The following BRIP1 variants were observed in gnomAD, a reference collection of about 807,000 sequenced individuals.
The protein encoded by BRIP1 is Fanconi anemia group J protein.
Under a neutral mutation model 119.7 loss-of-function variants are expected in BRIP1, and 88 were observed. The ratio of observed to expected loss-of-function variants is 0.74; its 90% CI spans 0.62 to 0.88. The LOEUF (loss-of-function observed/expected upper bound fraction) is 0.88. BRIP1 is among the 40% of genes least tolerant of loss of function. BRIP1 has a pLI of 0.00. For synonymous variants in BRIP1, 443 were observed against 496.5 expected (o/e 0.89, Z 1.43); for missense variants, 1,259 against 1,455.4 (o/e 0.87, Z 2.20).
Position 61,846,246 on chromosome 17 carries a change from A to AAGAGAGAGAGAAAG in BRIP1, c.627+854_627+855insCTTTCTCTCTCTCT. On this transcript the variant is annotated intron_variant, in intron 6 of 19. Coordinates refer to ENST00000259008, the MANE Select transcript of BRIP1 (RefSeq NM_032043.3). This position sits in a 1 kb window ranked among gnomAD's most constrained non-coding sequence, Gnocchi z 4.3. ...ACATATAGAGAGAGAGAGAGAGAAA[A>AAGAGAGAGAGAAAG]AGAGAGAGAGAGAGAAAGAGAGAGA... Among the ~76,000 whole-genome samples, 1 of 124,852 alleles carries AAGAGAGAGAGAAAG rather than the reference A, an allele frequency of 8.0e-6. No homozygotes were observed. Among genetic ancestry groups the AAGAGAGAGAGAAAG allele is most frequent in the Middle Eastern group, 3.6e-3 (1 of 274 alleles). 81.9% of individuals were successfully genotyped at this position (124,852 alleles called of 152,430 possible).
Position 61,808,490 on chromosome 17 carries a change from T to C in BRIP1, c.895A>G (p.Met299Val), listed in dbSNP as rs1242769076. 8 of 1,613,780 alleles carry C rather than the reference T, an allele frequency of 5.0e-6. No individual in the cohort carries two copies. The highest frequency in any genetic ancestry group is 1.6e-4 in the Middle Eastern group (1 of 6,062). The stretch of plus-strand genomic sequence containing the variant: ...ACGTTTTTCCCATCTAGCAATTCCA[T>C]GCACTTCTCATTTCTGTTGAAGTTA... Reference protein sequence around the residue: ...VGNFNRNEKCMELLDGKNGKS... With the variant: ...VGNFNRNEKCVELLDGKNGKS... The change falls in exon 7 of 20, where the codon ATG becomes GTG. Residue 299 changes from methionine to valine, a missense_variant. Met to Val is a conservative substitution (Grantham distance 21). Coordinates refer to ENST00000259008, the MANE Select transcript of BRIP1 (RefSeq NM_032043.3). This position sits in a 1 kb window ranked among gnomAD's most constrained non-coding sequence, Gnocchi z 4.1.
Position 61,681,617 on chromosome 17 carries a change from A to T in BRIP1, c.*1679T>A. On this transcript the variant is annotated 3_prime_UTR_variant, in exon 20 of 20. Transcript: ENST00000259008. The surrounding 1 kb of genome is among the most constrained non-coding windows in gnomAD (Gnocchi z 5.1). Reference sequence around the variant, plus strand: ...TTCACCCTTTCAAAACAATGTAAAAATTACCTTCTAATCGAGTATTTGGTA... The same window carrying T: ...TTCACCCTTTCAAAACAATGTAAAATTTACCTTCTAATCGAGTATTTGGTA... The T allele has an allele frequency of 1.5e-5, 3 of 200,328 alleles. No homozygotes were observed. The highest frequency in any genetic ancestry group is 2.1e-5 in the Non-Finnish European group (2 of 97,066). 12.4% of individuals were successfully genotyped at this position (200,328 alleles called of 1,614,324 possible). A position where few individuals can be genotyped will look rare whatever the true frequency, so the allele number is the denominator to read the frequency against.
At chr17:61,850,574 T>TC (rs2078804558) in intron 4 of BRIP1, among the ~76,000 whole-genome samples, 1 of 151,706 alleles carries the variant, frequency 6.6e-6, no homozygotes, top group South Asian at 2.1e-4. Flanking sequence ...ACGCCTTTAA[T>TC]CCCAGCACTT....
rs1039332263 is a variant in BRIP1 at position 61,832,277 on chromosome 17, C to A, written c.627+14824G>T. ...TTCCCACTTGAGTACCAAAACAAATCATATAATAATTATAACTCACCGAAT... is the reference window on the plus strand; with the variant it reads ...TTCCCACTTGAGTACCAAAACAAATAATATAATAATTATAACTCACCGAAT... On this transcript the variant is annotated intron_variant, in intron 6 of 19. Transcript: ENST00000259008. This position sits in a 1 kb window ranked among gnomAD's most constrained non-coding sequence, Gnocchi z 5.5. Among the ~76,000 whole-genome samples the A allele has an allele frequency of 7.9e-5, 12 of 152,044 alleles. No homozygotes were observed. Among genetic ancestry groups the A allele is most frequent in the African/African-American group, 2.9e-4 (12 of 41,398 alleles).
intron 16 of BRIP1, among the ~76,000 whole-genome samples, chr17:61,716,313 C>A (rs1318669760): frequency 6.6e-6 from 1 of 151,936 alleles, no homozygotes; most frequent in Non-Finnish European, 1.5e-5. Context: ...TTCATTAAAT[C>A]CACACAATTT....
At chr17:61,727,985 C>T (rs960011737) in intron 16 of BRIP1, among the ~76,000 whole-genome samples, 8 of 151,692 alleles carry the variant, frequency 5.3e-5, no homozygotes, top group Non-Finnish European at 7.4e-5. Flanking sequence ...TGTGCTATGA[C>T]GCCCGGCTAA....
rs1386547078 is a variant in BRIP1, at chr17:61,775,963, A to T, written c.2097+438T>A. On this transcript the variant is annotated intron_variant, in intron 14 of 19. Transcript: ENST00000259008. This position sits in a 1 kb window ranked among gnomAD's most constrained non-coding sequence, Gnocchi z 4.4. The stretch of plus-strand genomic sequence containing the variant: ...CAGGGGTGCAATCATAGCTCACTGT[A>T]ACCTCAACCTCCTGGGCTCAAGCAA... The T allele has an allele frequency of 4.8e-6, 1 of 209,944 alleles. No homozygotes were observed. The highest frequency in any genetic ancestry group is 9.7e-6 in the Non-Finnish European group (1 of 102,934). The allele number at this position is 209,944 out of a possible 1,614,324, so 13.0% of individuals were successfully genotyped here. A position where few individuals can be genotyped will look rare whatever the true frequency, so the allele number is the denominator to read the frequency against.
chr17:61,801,145 T>C (rs1310550122), intron 8 of BRIP1, 108 bp downstream of exon 8: 1 of 955,090 alleles, frequency 1.0e-6, no homozygotes, highest in African/African-American at 2.2e-5. Context: ...CACAAATTTA[T>C]TTACATAAAT....
chr17:61,823,933 A>C lies in BRIP1; in HGVS notation c.628-15176T>G, dbSNP rs931279602. Among the ~76,000 whole-genome samples, 10 of 151,930 alleles carry C rather than the reference A, an allele frequency of 6.6e-5. No individual in the cohort carries two copies. Among genetic ancestry groups the C allele is most frequent in the Admixed American group, 2.0e-4 (3 of 15,264 alleles). ...GGTTCAAGTGATTCTCCTGCCTCAGACTCCTGAGCAGCAGAGATTACAGGC... is the reference window on the plus strand; with the variant it reads ...GGTTCAAGTGATTCTCCTGCCTCAGCCTCCTGAGCAGCAGAGATTACAGGC... On this transcript the variant is annotated intron_variant, in intron 6 of 19. Transcript: ENST00000259008. The surrounding 1 kb of genome is among the most constrained non-coding windows in gnomAD (Gnocchi z 4.8).
rs186981201 is a variant in BRIP1, at chr17:61,806,887, T to G, written c.918+1580A>C. ...TAATTTTTTGTATTTTTAGTAGAGA[T>G]GTGTTTTGCCATGTTGGCCAGGCCA... On this transcript the variant is annotated intron_variant, in intron 7 of 19. Transcript: ENST00000259008. This position sits in a 1 kb window ranked among gnomAD's most constrained non-coding sequence, Gnocchi z 4.9. Among the ~76,000 whole-genome samples the G allele has an allele frequency of 2.8e-3, 422 of 152,244 alleles. 2 individuals are homozygous for G. Among genetic ancestry groups the G allele is most frequent in the African/African-American group, 9.3e-3 (388 of 41,548 alleles).
At chr17:61,817,243 T>C (rs1286773457) in intron 6 of BRIP1, among the ~76,000 whole-genome samples, 3 of 152,258 alleles carry the variant, frequency 2.0e-5, no homozygotes, top group East Asian at 1.9e-4. Context: ...TAAAAAGACA[T>C]ATATGTATTA....
In BRIP1 at chr17:61,860,049, A is replaced by C. The variant is rs1362034600; in HGVS notation, c.94-142T>G. 3.0e-6 allele frequency: 2 copies of C among 663,040 alleles called. No individual in the cohort carries two copies. The highest frequency in any genetic ancestry group is 3.6e-5 in the African/African-American group (2 of 55,464). 41.1% of individuals were successfully genotyped at this position (663,040 alleles called of 1,614,324 possible). The stretch of plus-strand genomic sequence containing the variant: ...ACAATAGCAGAAGGAACTCATATTT[A>C]GTTAAATCCAAACTGTATTCCTTTA... On this transcript the variant is annotated intron_variant, in intron 2 of 19. Transcript: ENST00000259008. The surrounding 1 kb of genome is among the most constrained non-coding windows in gnomAD (Gnocchi z 4.1).
rs1275041674 is a variant in BRIP1, at chr17:61,679,320, C to T, written c.*3976G>A. ...CATGTAATAACTAAGTGCATAGAAACATAGTAATAGTTTTATAACACAATT... is the reference window on the plus strand; with the variant it reads ...CATGTAATAACTAAGTGCATAGAAATATAGTAATAGTTTTATAACACAATT... On this transcript the variant is annotated 3_prime_UTR_variant, in exon 20 of 20. Coordinates refer to ENST00000259008, the MANE Select transcript of BRIP1 (RefSeq NM_032043.3). The surrounding 1 kb of genome is among the most constrained non-coding windows in gnomAD (Gnocchi z 4.4). 6.6e-6 allele frequency among the ~76,000 whole-genome samples: 1 copy of T among 152,048 alleles called. No individual in the cohort carries two copies. The highest frequency in any genetic ancestry group is 1.5e-5 in the Non-Finnish European group (1 of 67,994).
At position 61,857,589 on chromosome 17, in the gene BRIP1, T is replaced by C. The variant is rs548435617; in HGVS notation, c.206-358A>G. Among the ~76,000 whole-genome samples, 1 of 152,226 alleles carries C rather than the reference T, an allele frequency of 6.6e-6. No individual in the cohort carries two copies. Among genetic ancestry groups the C allele is most frequent in the Non-Finnish European group, 1.5e-5 (1 of 68,010 alleles). The stretch of plus-strand genomic sequence containing the variant: ...AAATACAAAAATTAGCCAGGCGTGG[T>C]AGTGCACGCCTGTAATACCACCTAC... On this transcript the variant is annotated intron_variant, in intron 3 of 19. Coordinates refer to ENST00000259008, the MANE Select transcript of BRIP1 (RefSeq NM_032043.3). This position sits in a 1 kb window ranked among gnomAD's most constrained non-coding sequence, Gnocchi z 5.1.
intron 17 of BRIP1, among the ~76,000 whole-genome samples, chr17:61,694,570 C>T (rs1289243043): frequency 2.6e-5 from 4 of 151,896 alleles, no homozygotes; most frequent in Admixed American, 2.6e-4. Context: ...TATAGTAATT[C>T]TATGTTTAAC....
intron 14 of BRIP1, among the ~76,000 whole-genome samples, chr17:61,771,141 T>C (rs2077442042): frequency 6.6e-6 from 1 of 152,208 alleles, no homozygotes; most frequent in Non-Finnish European, 1.5e-5. Flanking sequence ...ATGGAAACAT[T>C]ACACTATGTG....
In BRIP1 at chr17:61,780,306, T is replaced by C. The variant is rs145796331; in HGVS notation, c.1890A>G (p.Thr630=). Residue 630 remains threonine (T), a synonymous_variant, in exon 13 of 20, where the codon ACA becomes ACG. Coordinates refer to ENST00000259008, the MANE Select transcript of BRIP1 (RefSeq NM_032043.3). This position sits in a 1 kb window ranked among gnomAD's most constrained non-coding sequence, Gnocchi z 5.4. The part of the protein sequence containing the change: ...MKSFSSELGV[T]FTIQLEANHI... ...GATTAGCCTCCAGCTGGATAGTAAA[T>C]GTAACACCAAGTTCTGACGAAAAGG... 3.2e-5 allele frequency: 51 copies of C among 1,612,822 alleles called. No individual in the cohort carries two copies. In the African/African-American group the frequency reaches 6.3e-4, roughly 20 times the overall value.
rs2078891490 is a variant in BRIP1 at position 61,856,008 on chromosome 17, G to A, written c.379+1050C>T. Among the ~76,000 whole-genome samples the A allele has an allele frequency of 6.6e-6, 1 of 152,122 alleles. No homozygotes were observed. The highest frequency in any genetic ancestry group is 1.5e-5 in the Non-Finnish European group (1 of 68,034). On this transcript the variant is annotated intron_variant, in intron 4 of 19. Coordinates refer to ENST00000259008, the MANE Select transcript of BRIP1 (RefSeq NM_032043.3). This position sits in a 1 kb window ranked among gnomAD's most constrained non-coding sequence, Gnocchi z 5.1. ...CCAAGGAAGTCACATGTAAACTGAG[G>A]AAGAAAAGGATAATAAATTGAAGAT...
At position 61,802,874 on chromosome 17, in the gene BRIP1, T is replaced by C. The variant is rs1056771463; in HGVS notation, c.919-1400A>G. Reference sequence around the variant, plus strand: ...TAGTGAAATTATCCTCCAGAAAGTATATATTGCTTTGCATTACCCTTTTCC... The same window carrying C: ...TAGTGAAATTATCCTCCAGAAAGTACATATTGCTTTGCATTACCCTTTTCC... On this transcript the variant is annotated intron_variant, in intron 7 of 19. Coordinates refer to ENST00000259008, the MANE Select transcript of BRIP1 (RefSeq NM_032043.3). This position sits in a 1 kb window ranked among gnomAD's most constrained non-coding sequence, Gnocchi z 6.0. 1.3e-5 allele frequency among the ~76,000 whole-genome samples: 2 copies of C among 152,212 alleles called. No individual in the cohort carries two copies. Among genetic ancestry groups the C allele is most frequent in the African/African-American group, 4.8e-5 (2 of 41,452 alleles).
Sources: gnomAD v4.1 joint callset for allele counts (sites outside exome capture counted in the v4.1 genomes callset) on GRCh38, gnomAD v4.1.1 for gene constraint, Gnocchi (gnomAD v3.1) non-coding constraint, MANE v1.5 for transcripts, NCBI Gene and HGNC (gene_info 2026-07-23, HGNC 2026-07-21) for gene names.